The following TDRD3 variants were observed in gnomAD, a reference collection of about 807,000 sequenced individuals.
TDRD3 encodes the protein tudor domain-containing protein 3.
In TDRD3, 45 loss-of-function variants were observed where a neutral mutation model predicts 86.7. The ratio of observed to expected loss-of-function variants is 0.52; its 90% CI spans 0.41 to 0.67. The LOEUF is 0.67. TDRD3 is among the 30% of genes least tolerant of loss of function. The probability of loss-of-function intolerance (pLI) is 0.00; values close to 1 mark genes in which losing one functional copy is unlikely to be tolerated. For missense variants in TDRD3, 814 were observed against 889.0 expected, an observed-to-expected ratio of 0.92 and a Z score of 1.07; for synonymous variants, 298 against 301.7, an observed-to-expected ratio of 0.99 and a Z score of 0.13.
intron 1 of TDRD3, among the ~76,000 whole-genome samples, chr13:60,429,608 C>T (rs920749441): frequency 2.0e-5 from 3 of 152,112 alleles, no homozygotes; most frequent in Non-Finnish European, 4.4e-5. Flanking sequence ...TGTTAAAAAA[C>T]TTTCAATTGT....
At chr13:60,466,659 A>G (rs1414723069) in intron 4 of TDRD3, among the ~76,000 whole-genome samples, 1 of 152,084 alleles carries the variant, frequency 6.6e-6, no homozygotes, top group Non-Finnish European at 1.5e-5. Flanking sequence ...GTGGGGGCGC[A>G]TGCCTGTAAT....
chr13:60,565,180 C>T (rs578126152), intron 12 of TDRD3, among the ~76,000 whole-genome samples: 24 of 151,262 alleles, frequency 1.6e-4, no homozygotes, highest in Admixed American at 1.1e-3. Flanking sequence ...CTCAGTCTCC[C>T]GAGTAGCTGG....
In TDRD3 at chr13:60,509,904, G is replaced by C. The variant is rs745575030; in HGVS notation, c.1000G>C (p.Gly334Arg). The C allele has an allele frequency of 6.2e-7, 1 of 1,613,464 alleles. No homozygotes were observed. The highest frequency in any genetic ancestry group is 8.5e-7 in the Non-Finnish European group (1 of 1,179,566). The change falls in exon 9 of 14, where the codon GGT (glycine) becomes CGT (arginine). Residue 334 changes from glycine (G) to arginine (R), a missense_variant. Transcript: ENST00000377881. ...AAGCAATAAACAGAAACCTGTTATG[G>C]GTCCTCCTCTGAGAGGTATAATTTA... ...LTSNKQKPVM[G>R]PPLRGRGKGR...
rs112972732 is a variant in TDRD3, at chr13:60,482,170, G to A, written c.496-1605G>A. Among the ~76,000 whole-genome samples, 514 of 152,228 alleles carry A rather than the reference G, an allele frequency of 3.4e-3. 4 individuals are homozygous for A. The highest frequency in any genetic ancestry group is 0.012 in the African/African-American group (490 of 41,534). ...CAAGGGAACTCCTTTGAGGGTTTCT[G>A]GAGCTTCTTTATTATGACAGGTTCT... On this transcript the variant is annotated intron_variant, in intron 5 of 13. Coordinates refer to ENST00000377881, the MANE Select transcript of TDRD3 (RefSeq NM_001146070.2).
intron 1 of TDRD3, among the ~76,000 whole-genome samples, chr13:60,436,383 G>A (rs191112476): frequency 6.6e-6 from 1 of 152,060 alleles, no homozygotes; most frequent in Non-Finnish European, 1.5e-5. Flanking sequence ...CCATGAAAAT[G>A]TTTAGAATTT....
At chr13:60,572,856 G>C (rs1958617148) in intron 13 of TDRD3, among the ~76,000 whole-genome samples, 1 of 152,132 alleles carries the variant, frequency 6.6e-6, no homozygotes, top group Non-Finnish European at 1.5e-5. Flanking sequence ...TCAATGTCAG[G>C]AAAATGATCA....
At chr13:60,467,528 T>A in intron 5 of TDRD3, 149 bp downstream of exon 5, 1 of 867,808 alleles carries the variant, frequency 1.2e-6, no homozygotes, top group African/African-American at 1.7e-5. Context: ...TATCTTTGTC[T>A]AAGTGTATTG....
At chr13:60,537,434 T>C (rs965438775) in intron 12 of TDRD3, 1 of 152,102 alleles carries the variant, frequency 6.6e-6, no homozygotes, top group Non-Finnish European at 1.5e-5. Context: ...AAATATAGTC[T>C]GTGTTGCTGT....
At chr13:60,471,795 A>G (rs1956080948) in intron 5 of TDRD3, among the ~76,000 whole-genome samples, 1 of 152,082 alleles carries the variant, frequency 6.6e-6, no homozygotes, top group South Asian at 2.1e-4. Flanking sequence ...TTTTCTACAT[A>G]TAAGATCACG....
intron 8 of TDRD3, among the ~76,000 whole-genome samples, chr13:60,501,238 C>G (rs1414036877): frequency 6.6e-6 from 1 of 152,184 alleles, no homozygotes; most frequent in Non-Finnish European, 1.5e-5. Flanking sequence ...GACGATGACT[C>G]TTTTGGCTAC....
At chr13:60,526,096 C>T (rs557959456) in intron 10 of TDRD3, among the ~76,000 whole-genome samples, 38 of 152,208 alleles carry the variant, frequency 2.5e-4, no homozygotes, top group Admixed American at 9.2e-4. Flanking sequence ...TAGTTACTCT[C>T]GTGATGACTT....
At chr13:60,555,886 T>C (rs958707118) in intron 12 of TDRD3, among the ~76,000 whole-genome samples, 2 of 149,396 alleles carry the variant, frequency 1.3e-5, no homozygotes, top group African/African-American at 5.0e-5. Context: ...AATCTCGCTC[T>C]GTCGCCCAGG....
chr13:60,430,065 T>C (rs901032892), intron 1 of TDRD3, among the ~76,000 whole-genome samples: 3 of 152,158 alleles, frequency 2.0e-5, no homozygotes, highest in African/African-American at 7.2e-5. Context: ...AAGGGTAAAC[T>C]GAGGCACAGA....
chr13:60,397,397 G>T lies in TDRD3; in HGVS notation c.33G>T (p.Gln11His), dbSNP rs1002504708. Residue 11 changes from glutamine (Q) to histidine (H), a missense_variant, in exon 1 of 14, where the codon CAG (glutamine) becomes CAT (histidine). Coordinates refer to ENST00000377881, the MANE Select transcript of TDRD3 (RefSeq NM_001146070.2). Reference sequence around the variant, plus strand: ...AGGTGGCCGGCGCGGCGTTGTCCCAGGCGGGTTGGTAAGTGGCGAGTCCCG... The same window carrying T: ...AGGTGGCCGGCGCGGCGTTGTCCCATGCGGGTTGGTAAGTGGCGAGTCCCG... Reference protein sequence around the residue: MAQVAGAALSQAGWYLSDEGI... With the variant: MAQVAGAALSHAGWYLSDEGI... 13 of 1,501,340 alleles carry T rather than the reference G, an allele frequency of 8.7e-6. No homozygotes were observed. In the African/African-American group the frequency reaches 1.7e-4, roughly 20 times the overall value. 93.0% of individuals were successfully genotyped at this position (1,501,340 alleles called of 1,614,324 possible). A position where few individuals can be genotyped will look rare whatever the true frequency, so the allele number is the denominator to read the frequency against.
At chr13:60,560,679 G>A (rs1232630999) in intron 12 of TDRD3, among the ~76,000 whole-genome samples, 1 of 152,134 alleles carries the variant, frequency 6.6e-6, no homozygotes, top group East Asian at 1.9e-4. Flanking sequence ...TTACTAAGAA[G>A]AGCTTATAAT....
intron 6 of TDRD3, chr13:60,484,574 G>A: frequency 2.7e-6 from 1 of 367,016 alleles, no homozygotes; most frequent in South Asian, 2.1e-5. Flanking sequence ...AAAATCATTT[G>A]ACTGTCACCC....
Position 60,478,291 on chromosome 13 carries a change from A to ATT in TDRD3, c.496-5457_496-5456dup, listed in dbSNP as rs34449105. On this transcript the variant is annotated intron_variant, in intron 5 of 13. Coordinates refer to ENST00000377881, the MANE Select transcript of TDRD3 (RefSeq NM_001146070.2). Reference sequence around the variant, plus strand: ...TGTTAATCTAGCTAGCAGTCTACCAATTTTTTTTTTTTTTTTTTTTTTTTT... The same window carrying ATT: ...TGTTAATCTAGCTAGCAGTCTACCAATTTTTTTTTTTTTTTTTTTTTTTTTTT... Among the ~76,000 whole-genome samples the ATT allele has an allele frequency of 5.5e-4, 41 of 74,332 alleles. 1 individual carries two copies. Among genetic ancestry groups the ATT allele is most frequent in the East Asian group, 8.7e-4 (3 of 3,430 alleles). The allele number at this position is 74,332 out of a possible 152,430, so 48.8% of individuals were successfully genotyped here. A position where few individuals can be genotyped will look rare whatever the true frequency, so the allele number is the denominator to read the frequency against.
At chr13:60,552,215 C>T (rs184881201) in intron 12 of TDRD3, among the ~76,000 whole-genome samples, 23 of 152,368 alleles carry the variant, frequency 1.5e-4, no homozygotes, top group Admixed American at 9.1e-4. Flanking sequence ...AACTTAGTTA[C>T]TTTCAAGATA....
chr13:60,458,285 T>A (rs1955724493), intron 3 of TDRD3, among the ~76,000 whole-genome samples: 1 of 152,186 alleles, frequency 6.6e-6, no homozygotes, highest in Non-Finnish European at 1.5e-5. Flanking sequence ...TCTTTTAAAG[T>A]GACATGTCCA....
Sources: gnomAD v4.1 joint callset for allele counts (sites outside exome capture counted in the v4.1 genomes callset) on GRCh38, gnomAD v4.1.1 for gene constraint, MANE v1.5 for transcripts, NCBI Gene and HGNC (gene_info 2026-07-23, HGNC 2026-07-21) for gene names.